Variants in CADM2 observed in about 807,000 individuals in gnomAD.
CADM2 encodes cell adhesion molecule 2.
In CADM2, 12 loss-of-function variants were observed where a neutral mutation model predicts 49.8. The ratio of observed to expected loss-of-function variants is 0.24; its 90% CI spans 0.15 to 0.39. The LOEUF (loss-of-function observed/expected upper bound fraction) is 0.39. CADM2 is among the 10% of genes least tolerant of loss of function. The pLI is 1.00. For synonymous variants in CADM2, 214 were observed against 175.4 expected, an observed-to-expected ratio of 1.22 and a Z score of -1.74; for missense variants, 378 against 492.3, an observed-to-expected ratio of 0.77 and a Z score of 2.20.
chr3:85,150,908 CA>C (rs1014057083), intron 1 of CADM2, among the ~76,000 whole-genome samples: 11 of 144,912 alleles, frequency 7.6e-5, no homozygotes, highest in African/African-American at 2.7e-4. Context: ...GACGCTGTTT[CA>C]AAAAAATAAA....
chr3:85,586,570 T>C (rs1305772084), intron 1 of CADM2, among the ~76,000 whole-genome samples: 4 of 152,118 alleles, frequency 2.6e-5, no homozygotes, highest in African/African-American at 7.2e-5. Context: ...CATTTTGCAG[T>C]AGAATTACAA....
chr3:85,554,732 G>A (rs1459076548), intron 1 of CADM2, among the ~76,000 whole-genome samples: 3 of 151,908 alleles, frequency 2.0e-5, no homozygotes, highest in Non-Finnish European at 4.4e-5. Flanking sequence ...TTCTTGCTGT[G>A]TTGCCTAGGC....
rs531988964 is a variant in CADM2, at chr3:85,528,729, G to T, written c.62-197793G>T. Among the ~76,000 whole-genome samples the T allele has an allele frequency of 1.8e-4, 28 of 152,240 alleles. No individual in the cohort carries two copies. In the South Asian group the frequency reaches 5.8e-3, roughly 32 times the overall value. On this transcript the variant is annotated intron_variant, in intron 1 of 9. Coordinates refer to ENST00000383699, the MANE Select transcript of CADM2 (RefSeq NM_001167675.2). Reference sequence around the variant, plus strand: ...TCACTTGGTTAAAAGCATACCAGAGGCAAAATGTTGACATTGGTGCCTCCA... The same window carrying T: ...TCACTTGGTTAAAAGCATACCAGAGTCAAAATGTTGACATTGGTGCCTCCA...
At chr3:85,494,600 A>T (rs1286420679) in intron 1 of CADM2, among the ~76,000 whole-genome samples, 1 of 152,184 alleles carries the variant, frequency 6.6e-6, no homozygotes, top group East Asian at 1.9e-4. Context: ...AAGGTAGGAA[A>T]CTGAAAACAA....
At chr3:84,979,012 C>T (rs555669554) in intron 1 of CADM2, among the ~76,000 whole-genome samples, 23 of 152,210 alleles carry the variant, frequency 1.5e-4, no homozygotes, top group Admixed American at 7.9e-4. Context: ...CCCCATCACC[C>T]GGGGAAACAG....
intron 1 of CADM2, among the ~76,000 whole-genome samples, chr3:84,990,383 G>A (rs1356439734): frequency 6.6e-6 from 1 of 151,448 alleles, no homozygotes; most frequent in Non-Finnish European, 1.5e-5. Context: ...TTCTAAAGAG[G>A]CTACAATAAC....
intron 1 of CADM2, among the ~76,000 whole-genome samples, chr3:85,153,373 C>A (rs566074301): frequency 6.6e-6 from 1 of 152,306 alleles, no homozygotes; most frequent in African/African-American, 2.4e-5. Flanking sequence ...CTGCACTTTT[C>A]TGATGGTCTT....
At chr3:85,828,094 A>G (rs1380498137) in intron 3 of CADM2, 1 of 152,006 alleles carries the variant, frequency 6.6e-6, no homozygotes, top group African/African-American at 2.4e-5. Context: ...GGCAGGTACC[A>G]CTTACCATTT....
At chr3:85,969,673 A>G (rs1725872522) in intron 8 of CADM2, among the ~76,000 whole-genome samples, 1 of 151,170 alleles carries the variant, frequency 6.6e-6, no homozygotes, top group African/African-American at 2.4e-5. Flanking sequence ...TGTATATGTG[A>G]ATATATTATA....
At chr3:85,036,997 G>GAAAAAA (rs10566030) in intron 1 of CADM2, among the ~76,000 whole-genome samples, 2 of 78,012 alleles carry the variant, frequency 2.6e-5, no homozygotes, top group African/African-American at 5.2e-5. Flanking sequence ...ACTAAAAATA[G>GAAAAAA]AAAAAAAAAA....
intron 2 of CADM2, among the ~76,000 whole-genome samples, chr3:85,730,529 C>T (rs945091042): frequency 6.6e-6 from 1 of 152,072 alleles, no homozygotes; most frequent in Non-Finnish European, 1.5e-5. Flanking sequence ...TCTAACTTGT[C>T]TCCTGATTCA....
chr3:85,754,036 C>T (rs1043638953), intron 2 of CADM2, among the ~76,000 whole-genome samples: 2 of 152,136 alleles, frequency 1.3e-5, no homozygotes, highest in Admixed American at 6.5e-5. Flanking sequence ...TGTCTGCATA[C>T]GCAGTGGCCT....
At chr3:85,479,589 C>T (rs2039125475) in intron 1 of CADM2, among the ~76,000 whole-genome samples, 3 of 151,884 alleles carry the variant, frequency 2.0e-5, no homozygotes, top group Admixed American at 6.6e-5. Flanking sequence ...CATGTAATTT[C>T]ATGACACTTC....
intron 3 of CADM2, among the ~76,000 whole-genome samples, chr3:85,854,170 A>C (rs894992745): frequency 4.6e-5 from 7 of 152,322 alleles, no homozygotes; most frequent in African/African-American, 1.4e-4. Flanking sequence ...TTCAGTAAGT[A>C]GATAGCAGAC....
intron 1 of CADM2, among the ~76,000 whole-genome samples, chr3:85,009,987 G>A (rs2033913649): frequency 6.6e-6 from 1 of 151,756 alleles, no homozygotes; most frequent in South Asian, 2.1e-4. Context: ...CTCCCAAAAT[G>A]TCATAAAGTG....
chr3:85,887,188 G>C (rs1019548668), intron 5 of CADM2, among the ~76,000 whole-genome samples: 2 of 133,302 alleles, frequency 1.5e-5, no homozygotes, highest in African/African-American at 4.9e-5. Flanking sequence ...CTAGGCTCCA[G>C]TGATTTTCCC....
At chr3:85,253,339 T>G (rs2042815972) in intron 1 of CADM2, among the ~76,000 whole-genome samples, 1 of 152,118 alleles carries the variant, frequency 6.6e-6, no homozygotes, top group Non-Finnish European at 1.5e-5. Flanking sequence ...AAGTTAAATA[T>G]TCCACTAACT....
At chr3:85,467,069 C>T (rs28551656) in intron 1 of CADM2, among the ~76,000 whole-genome samples, 157 of 152,188 alleles carry the variant, frequency 1.0e-3, no homozygotes, top group African/African-American at 3.7e-3. Context: ...ACAGATGCAC[C>T]ATCTAAATTC....
Position 86,072,417 on chromosome 3 carries a change from A to C in CADM2, c.*5634A>C, listed in dbSNP as rs914087097. On this transcript the variant is annotated 3_prime_UTR_variant, in exon 10 of 10. Coordinates refer to ENST00000383699, the MANE Select transcript of CADM2 (RefSeq NM_001167675.2). ...AAGATATAAAAAAAACAAAAAAAAC[A>C]AAAAAAAAACACTATTTTCCCCTAC... 6 of 145,720 alleles carry C rather than the reference A, an allele frequency of 4.1e-5. No homozygotes were observed. Among genetic ancestry groups the C allele is most frequent in the Admixed American group, 1.4e-4 (2 of 14,444 alleles). 9.0% of individuals were successfully genotyped at this position (145,720 alleles called of 1,614,324 possible). A position where few individuals can be genotyped will look rare whatever the true frequency, so the allele number is the denominator to read the frequency against.
Sources: gnomAD v4.1 joint callset for allele counts (sites outside exome capture counted in the v4.1 genomes callset) on GRCh38, gnomAD v4.1.1 for gene constraint, MANE v1.5 for transcripts, NCBI Gene and HGNC (gene_info 2026-07-23, HGNC 2026-07-21) for gene names.